IL1R2: variants seen among roughly 807,000 people sequenced by gnomAD.
The protein encoded by IL1R2 is interleukin 1 receptor type 2, also known as interleukin-1 receptor type 2.
A neutral mutation model predicts 39.5 loss-of-function variants in IL1R2; 46 were observed. The observed-to-expected ratio is 1.16, with a 90% CI of 0.92 to 1.49. The LOEUF (loss-of-function observed/expected upper bound fraction) is 1.49. IL1R2 is among the 40% of genes most tolerant of loss of function. The pLI is 0.00. For synonymous variants in IL1R2, 207 were observed against 189.6 expected (o/e 1.09, Z -0.75); for missense variants, 537 against 502.0 (o/e 1.07, Z -0.67).
chr2:102,013,551 AAGGAAAGAAAGAAAAGAAAAG>A (rs1676779720), intron 3 of IL1R2, among the ~76,000 whole-genome samples: 6 of 119,600 alleles, frequency 5.0e-5, no homozygotes, highest in South Asian at 2.8e-4. Flanking sequence ...AAAAAAAAAA[AAGGAAAGAAAGAAAAGAAAAG>A]AAGGAAAAGA....
intron 4 of IL1R2, 116 bp from the exon 5 acceptor site, chr2:102,019,522 T>C (rs1677222590): frequency 1.3e-6 from 1 of 754,324 alleles, no homozygotes; most frequent in Non-Finnish European, 2.1e-6. Flanking sequence ...GCAAAGTAAA[T>C]ACCAGGACAA....
intron 1 of IL1R2, among the ~76,000 whole-genome samples, chr2:101,996,873 A>C (rs957775195): frequency 6.7e-6 from 1 of 149,200 alleles, no homozygotes; most frequent in Admixed American, 6.7e-5. Context: ...GCCAGGAGGA[A>C]TCTCATTTGG....
intron 3 of IL1R2, among the ~76,000 whole-genome samples, chr2:102,014,544 C>T (rs1485985175): frequency 6.6e-6 from 1 of 152,142 alleles, no homozygotes; most frequent in Non-Finnish European, 1.5e-5. Context: ...CATCTATTTT[C>T]CCTTTTTAAG....
intron 3 of IL1R2, among the ~76,000 whole-genome samples, chr2:102,013,523 G>GAAAAAAAAAAAAAAAAAAAAAAAAA: frequency 4.7e-4 from 1 of 2,110 alleles, no homozygotes; most frequent in Non-Finnish European, 9.7e-4. Context: ...TTCTATCACT[G>GAAAAAAAAAAAAAAAAAAAAAAAAA]CAAAAAAAAA....
intron 1 of IL1R2, among the ~76,000 whole-genome samples, chr2:102,000,353 T>C (rs934004508): frequency 6.6e-6 from 1 of 152,214 alleles, no homozygotes; most frequent in Non-Finnish European, 1.5e-5. Flanking sequence ...ACCCTGCTGC[T>C]GGCAGGAAGG....
At chr2:102,013,562 G>GAAAAAAAAA (rs1559421451) in intron 3 of IL1R2, among the ~76,000 whole-genome samples, 3 of 36,110 alleles carry the variant, frequency 8.3e-5, no homozygotes, top group Admixed American at 3.3e-4. Context: ...AGGAAAGAAA[G>GAAAAAAAAA]AAAAGAAAAG....
In IL1R2 at chr2:102,020,386, T is replaced by A. The variant is rs571465323; in HGVS notation, c.688+574T>A. Among the ~76,000 whole-genome samples the A allele has an allele frequency of 9.9e-4, 151 of 152,320 alleles. 3 individuals are homozygous for A. The highest frequency in any genetic ancestry group is 3.4e-3 in the Middle Eastern group (1 of 294). On this transcript the variant is annotated intron_variant, in intron 5 of 8. Coordinates refer to ENST00000332549, the MANE Select transcript of IL1R2 (RefSeq NM_004633.4). ...GCAGTATTGGCTATTGTTTCACATT[T>A]GTTCAACATTTACTCCGTACCAACT...
chr2:102,008,519 C>T lies in IL1R2; in HGVS notation c.-57C>T, dbSNP rs543599934. On this transcript the variant is annotated 5_prime_UTR_variant, in exon 2 of 9. The change creates a new upstream start codon in the 5' untranslated region. Transcript: ENST00000332549. Reference sequence around the variant, plus strand: ...CACCTCTGTTTCCTCCCCTAGGCCACGTGCTGCTGGGTCTCAGTCCTCCAC... The same window carrying T: ...CACCTCTGTTTCCTCCCCTAGGCCATGTGCTGCTGGGTCTCAGTCCTCCAC... 180 of 1,405,602 alleles carry T rather than the reference C, an allele frequency of 1.3e-4. No homozygotes were observed. The South Asian group carries it at 1.8e-3, about 14-fold the overall frequency. The allele number at this position is 1,405,602 out of a possible 1,614,324, so 87.1% of individuals were successfully genotyped here.
chr2:102,013,993 C>T (rs1171010541), intron 3 of IL1R2, among the ~76,000 whole-genome samples: 2 of 152,110 alleles, frequency 1.3e-5, no homozygotes, highest in African/African-American at 4.8e-5. Context: ...GGGGGTGCCA[C>T]ACTACATGGG....
At chr2:102,011,435 G>T (rs1218598140) in intron 3 of IL1R2, among the ~76,000 whole-genome samples, 1 of 152,138 alleles carries the variant, frequency 6.6e-6, no homozygotes, top group Non-Finnish European at 1.5e-5. Flanking sequence ...ATCCTAATGG[G>T]TGTGAAGGGG....
chr2:102,025,614 A>C (rs1218747514), intron 7 of IL1R2, among the ~76,000 whole-genome samples: 1 of 152,230 alleles, frequency 6.6e-6, no homozygotes, highest in South Asian at 2.1e-4. Flanking sequence ...AATGGCAGCT[A>C]TCCTGGCCAC....
chr2:101,993,386 G>A (rs1031676736), intron 1 of IL1R2, among the ~76,000 whole-genome samples: 1 of 152,124 alleles, frequency 6.6e-6, no homozygotes, highest in Non-Finnish European at 1.5e-5. Context: ...ATGAATCCAA[G>A]TAGTATCAAG....
At chr2:101,995,298 G>GTT (rs61080993) in intron 1 of IL1R2, among the ~76,000 whole-genome samples, 2 of 151,944 alleles carry the variant, frequency 1.3e-5, no homozygotes, top group African/African-American at 4.8e-5. Flanking sequence ...AGCAGATGTT[G>GTT]TTTTTTTTCC....
chr2:102,004,724 C>T (rs1021596563), intron 1 of IL1R2, among the ~76,000 whole-genome samples: 1 of 152,168 alleles, frequency 6.6e-6, no homozygotes, highest in African/African-American at 2.4e-5. Flanking sequence ...TTACTGTTTC[C>T]CACGCTACAG....
chr2:102,004,381 T>C (rs990175117), intron 1 of IL1R2, among the ~76,000 whole-genome samples: 1 of 152,092 alleles, frequency 6.6e-6, no homozygotes, highest in African/African-American at 2.4e-5. Flanking sequence ...AGCATTCTTT[T>C]TCCTTCCTTT....
chr2:102,008,511 C>G lies in IL1R2; in HGVS notation c.-61-4C>G, dbSNP rs1676401988. 1 of 1,328,598 alleles carries G rather than the reference C, an allele frequency of 7.5e-7. No homozygotes were observed. Among genetic ancestry groups the G allele is most frequent in the East Asian group, 2.3e-5 (1 of 43,556 alleles). The allele number at this position is 1,328,598 out of a possible 1,614,324, so 82.3% of individuals were successfully genotyped here. A position where few individuals can be genotyped will look rare whatever the true frequency, so the allele number is the denominator to read the frequency against. On this transcript the variant is annotated splice_region_variant and splice_polypyrimidine_tract_variant and intron_variant, in intron 1 of 8. Coordinates refer to ENST00000332549, the MANE Select transcript of IL1R2 (RefSeq NM_004633.4). ...CCTGGTGACACCTCTGTTTCCTCCCCTAGGCCACGTGCTGCTGGGTCTCAG... is the reference window on the plus strand; with the variant it reads ...CCTGGTGACACCTCTGTTTCCTCCCGTAGGCCACGTGCTGCTGGGTCTCAG...
chr2:102,016,081 A>C (rs1192087675), intron 4 of IL1R2, 30 bp downstream of exon 4: 8 of 1,564,154 alleles, frequency 5.1e-6, no homozygotes, highest in Non-Finnish European at 7.0e-6. Context: ...CATTTTACTA[A>C]AATGTGTTTT....
At position 102,003,696 on chromosome 2, in the gene IL1R2, G is replaced by T. The variant is rs551021377; in HGVS notation, c.-61-4819G>T. Among the ~76,000 whole-genome samples, 1,455 of 148,600 alleles carry T rather than the reference G, an allele frequency of 9.8e-3. 8 individuals are homozygous for T. Among genetic ancestry groups the T allele is most frequent in the Non-Finnish European group, 0.018 (1,196 of 66,954 alleles). The stretch of plus-strand genomic sequence containing the variant: ...TGTCGGTGTCTGTGTCGGTGTCTAG[G>T]CCTATGTCTATGTCTGTGTCTTTGT... On this transcript the variant is annotated intron_variant, in intron 1 of 8. Transcript: ENST00000332549.
intron 1 of IL1R2, among the ~76,000 whole-genome samples, chr2:101,993,925 C>T (rs1322951669): frequency 6.6e-6 from 1 of 152,178 alleles, no homozygotes; most frequent in African/African-American, 2.4e-5. Flanking sequence ...GCTGCCGGCC[C>T]CCTTTCTGCA....
Sources: gnomAD v4.1 joint callset for allele counts (sites outside exome capture counted in the v4.1 genomes callset) on GRCh38, gnomAD v4.1.1 for gene constraint, MANE v1.5 for transcripts, NCBI Gene and HGNC (gene_info 2026-07-23, HGNC 2026-07-21) for gene names.